Variants in YIPF4 observed in about 807,000 individuals in gnomAD.
The protein encoded by YIPF4 is Yip1 domain family member 4, also known as protein YIPF4.
Under a neutral mutation model 29.4 loss-of-function variants are expected in YIPF4, and 18 were observed. That is an observed-to-expected ratio of 0.61 (90% CI 0.42 to 0.91). The LOEUF (loss-of-function observed/expected upper bound fraction) is 0.91, where lower values mean the gene tolerates loss of function less well. Among genes scored for constraint, YIPF4 ranks in the 40% least tolerant of loss-of-function variants. YIPF4 has a pLI of 0.00. For missense variants in YIPF4, 279 were observed against 282.7 expected (o/e 0.99, Z 0.09); for synonymous variants, 115 against 104.7 (o/e 1.10, Z -0.60).
At chr2:32,292,147 C>T (rs778179496) in intron 2 of YIPF4, 30 bp from the exon 3 acceptor site, 8 of 1,361,832 alleles carry the variant, frequency 5.9e-6, no homozygotes, top group Admixed American at 3.2e-5. Flanking sequence ...AAATGTGTGC[C>T]TTTTGAGAAT....
At chr2:32,290,131 G>A (rs1439897915) in intron 1 of YIPF4, among the ~76,000 whole-genome samples, 2 of 152,156 alleles carry the variant, frequency 1.3e-5, no homozygotes, top group Non-Finnish European at 2.9e-5. Context: ...CACATGATAT[G>A]TGTAAGAATG....
At chr2:32,300,099 C>A (rs1219470921) in intron 4 of YIPF4, among the ~76,000 whole-genome samples, 1 of 151,682 alleles carries the variant, frequency 6.6e-6, no homozygotes, top group African/African-American at 2.4e-5. Flanking sequence ...AAACCCCATC[C>A]CTACTAAAAA....
chr2:32,290,658 T>C, intron 2 of YIPF4, 22 bp downstream of exon 2: 1 of 1,389,418 alleles, frequency 7.2e-7, no homozygotes, highest in Non-Finnish European at 9.4e-7. Flanking sequence ...TAATAATATA[T>C]ATTTTTTGTT....
Position 32,305,824 on chromosome 2 carries a change from G to A in YIPF4, c.*198G>A. ...GCAGTTATCTGGGATTTTTGGGTCA[G>A]AATTTTAAATTCTGTTTGATTCTCC... is the stretch of plus-strand genomic sequence containing the variant. On this transcript the variant is annotated 3_prime_UTR_variant, in exon 6 of 6. Transcript: ENST00000238831. 8.3e-7 allele frequency: 1 copy of A among 1,206,338 alleles called. No individual in the cohort carries two copies. The highest frequency in any genetic ancestry group is 1.0e-6 in the Non-Finnish European group (1 of 972,678). The allele number at this position is 1,206,338 out of a possible 1,614,324, so 74.7% of individuals were successfully genotyped here.
Position 32,308,026 on chromosome 2 carries a change from C to G in YIPF4, c.*2400C>G, listed in dbSNP as rs1163872470. On this transcript the variant is annotated 3_prime_UTR_variant, in exon 6 of 6. Transcript: ENST00000238831. ...AATGGTAAGATGACCCTAATAATGT[C>G]CTCTCCTTGAATTTTTATATAATAA... 6.6e-6 allele frequency: 1 copy of G among 151,070 alleles called. No individual in the cohort carries two copies. The highest frequency in any genetic ancestry group is 1.5e-5 in the Non-Finnish European group (1 of 67,912). 9.4% of individuals were successfully genotyped at this position (151,070 alleles called of 1,614,324 possible).
At chr2:32,291,850 G>C (rs2030932077) in intron 2 of YIPF4, among the ~76,000 whole-genome samples, 2 of 152,152 alleles carry the variant, frequency 1.3e-5, no homozygotes, top group Admixed American at 1.3e-4. Flanking sequence ...AAAGTCACAA[G>C]CAGAAAATTT....
At position 32,314,259 on chromosome 2, in the gene YIPF4, T is replaced by A. The variant is rs573977104; in HGVS notation, c.*8633T>A. On this transcript the variant is annotated 3_prime_UTR_variant, in exon 6 of 6. Transcript: ENST00000238831. ...CATGAAGAATTTCACAAGTATTATG[T>A]TGAGTGAAAAAGACAAAGAATTTGT... The A allele has an allele frequency of 6.6e-6, 1 of 152,184 alleles. No individual in the cohort carries two copies. The highest frequency in any genetic ancestry group is 2.4e-5 in the African/African-American group (1 of 41,452). 9.4% of individuals were successfully genotyped at this position (152,184 alleles called of 1,614,324 possible).
At chr2:32,290,421 C>T in intron 1 of YIPF4, 62 bp from the exon 2 acceptor site, 1 of 1,242,454 alleles carries the variant, frequency 8.0e-7, no homozygotes, top group Non-Finnish European at 1.1e-6. Flanking sequence ...TATCTGCTCA[C>T]TTTGGTTAAG....
chr2:32,278,047 C>T lies in YIPF4; in HGVS notation c.-109C>T, dbSNP rs1482862120. The T allele has an allele frequency of 1.0e-6, 1 of 968,616 alleles. No homozygotes were observed. The highest frequency in any genetic ancestry group is 1.5e-6 in the Non-Finnish European group (1 of 665,334). 60.0% of individuals were successfully genotyped at this position (968,616 alleles called of 1,614,324 possible). A position where few individuals can be genotyped will look rare whatever the true frequency, so the allele number is the denominator to read the frequency against. ...CTCGCTCGCAGCTTGCACGTCGAGA[C>T]TCGTAGGCCGCACCGTAGGGCGAGC... On this transcript the variant is annotated 5_prime_UTR_variant, in exon 1 of 6. Coordinates refer to ENST00000238831, the MANE Select transcript of YIPF4 (RefSeq NM_032312.4).
At position 32,305,681 on chromosome 2, in the gene YIPF4, A is replaced by G; in HGVS notation, c.*55A>G. 1 of 1,376,852 alleles carries G rather than the reference A, an allele frequency of 7.3e-7. No individual in the cohort carries two copies. The highest frequency in any genetic ancestry group is 2.1e-5 in the South Asian group (1 of 47,852). The allele number at this position is 1,376,852 out of a possible 1,614,324, so 85.3% of individuals were successfully genotyped here. ...GTGTTAAATTTGTGTGTAGGCTGGG[A>G]ATTCTTGCTGAAGGAATTGGAGAAA... On this transcript the variant is annotated 3_prime_UTR_variant, in exon 6 of 6. Coordinates refer to ENST00000238831, the MANE Select transcript of YIPF4 (RefSeq NM_032312.4).
Position 32,306,088 on chromosome 2 carries a change from C to T in YIPF4, c.*462C>T, listed in dbSNP as rs1340606351. On this transcript the variant is annotated 3_prime_UTR_variant, in exon 6 of 6. Coordinates refer to ENST00000238831, the MANE Select transcript of YIPF4 (RefSeq NM_032312.4). ...ATATATTTATGAAATAATTCTTACT[C>T]ACAAAATATATTTCTGATAAACATT... 3.8e-6 allele frequency: 3 copies of T among 792,978 alleles called. No homozygotes were observed. Among genetic ancestry groups the T allele is most frequent in the Non-Finnish European group, 4.6e-6 (3 of 655,102 alleles). 49.1% of individuals were successfully genotyped at this position (792,978 alleles called of 1,614,324 possible).
chr2:32,297,079 C>A (rs1034619882), intron 3 of YIPF4, among the ~76,000 whole-genome samples: 1 of 151,294 alleles, frequency 6.6e-6, no homozygotes, highest in African/African-American at 2.4e-5. Context: ...GTGTTCTGGG[C>A]TAATCTTGTA....
rs1029684923 is a variant in YIPF4, at chr2:32,312,998, AAG to A, written c.*7374_*7375del. On this transcript the variant is annotated 3_prime_UTR_variant, in exon 6 of 6. Coordinates refer to ENST00000238831, the MANE Select transcript of YIPF4 (RefSeq NM_032312.4). ...AGAGCGAGACTCTGTCTCAAAAAAA[AAG>A]ACCGCCCCCCCCAATATACACACAC... is the stretch of plus-strand genomic sequence containing the variant. 5.9e-5 allele frequency: 9 copies of A among 152,186 alleles called. No individual in the cohort carries two copies. The highest frequency in any genetic ancestry group is 1.9e-4 in the African/African-American group (8 of 41,368). 9.4% of individuals were successfully genotyped at this position (152,186 alleles called of 1,614,324 possible).
chr2:32,295,577 C>T (rs770095643), intron 3 of YIPF4, among the ~76,000 whole-genome samples: 1 of 152,094 alleles, frequency 6.6e-6, no homozygotes, highest in Non-Finnish European at 1.5e-5. Context: ...CATTACCTTC[C>T]CCTCTAATGT....
At chr2:32,293,451 T>C (rs779263318) in intron 3 of YIPF4, among the ~76,000 whole-genome samples, 10 of 152,242 alleles carry the variant, frequency 6.6e-5, no homozygotes, top group Non-Finnish European at 1.3e-4. Context: ...AGAATTTTTC[T>C]TAGTACAGAA....
chr2:32,295,428 A>T (rs2031140225), intron 3 of YIPF4, among the ~76,000 whole-genome samples: 3 of 152,282 alleles, frequency 2.0e-5, no homozygotes, highest in African/African-American at 7.2e-5. Context: ...GTCTTAAAGG[A>T]CTAAGATCAA....
intron 1 of YIPF4, among the ~76,000 whole-genome samples, chr2:32,285,208 C>A (rs912711506): frequency 2.6e-5 from 4 of 151,876 alleles, no homozygotes; most frequent in Non-Finnish European, 5.9e-5. Flanking sequence ...AGGAAGCATG[C>A]AAATAAAGCA....
chr2:32,293,579 G>C (rs371500095), intron 3 of YIPF4, among the ~76,000 whole-genome samples: 2 of 152,054 alleles, frequency 1.3e-5, no homozygotes, highest in Non-Finnish European at 2.9e-5. Context: ...CATTGTCATC[G>C]TGGCCCGTTC....
In YIPF4 at chr2:32,314,088, A is replaced by G. The variant is rs1312297309; in HGVS notation, c.*8462A>G. The stretch of plus-strand genomic sequence containing the variant: ...CATGTACATGTACCATAAGAGACAT[A>G]TGTACAAGAATGTGCACAGTTAACA... On this transcript the variant is annotated 3_prime_UTR_variant, in exon 6 of 6. Coordinates refer to ENST00000238831, the MANE Select transcript of YIPF4 (RefSeq NM_032312.4). 6.6e-6 allele frequency: 1 copy of G among 152,246 alleles called. No homozygotes were observed. The highest frequency in any genetic ancestry group is 2.4e-5 in the African/African-American group (1 of 41,474). The allele number at this position is 152,246 out of a possible 1,614,324, so 9.4% of individuals were successfully genotyped here.
Sources: gnomAD v4.1 joint callset for allele counts (sites outside exome capture counted in the v4.1 genomes callset) on GRCh38, gnomAD v4.1.1 for gene constraint, MANE v1.5 for transcripts, NCBI Gene and HGNC (gene_info 2026-07-23, HGNC 2026-07-21) for gene names.